Variants in PTPN9 observed in about 807,000 individuals in gnomAD.
The protein encoded by PTPN9 is tyrosine-protein phosphatase non-receptor type 9.
PTPN9 carries 26 observed loss-of-function variants against 69.8 expected under a neutral mutation model. That is an observed-to-expected ratio of 0.37 (90% CI 0.27 to 0.52). PTPN9 has a LOEUF of 0.52. PTPN9 is among the 20% of genes least tolerant of loss of function. The pLI, the probability that PTPN9 is intolerant of heterozygous loss-of-function variation, is 0.91. For missense variants in PTPN9, 549 were observed against 740.3 expected (o/e 0.74, Z 3.00); for synonymous variants, 274 against 272.5 (o/e 1.01, Z -0.05).
At chr15:75,535,063 C>T (rs1378746807) in intron 1 of PTPN9, among the ~76,000 whole-genome samples, 1 of 150,932 alleles carries the variant, frequency 6.6e-6, no homozygotes, top group African/African-American at 2.4e-5. Flanking sequence ...GTGGCGTGAT[C>T]TCGGCTCACT....
At chr15:75,517,044 T>C (rs1411434525) in intron 5 of PTPN9, among the ~76,000 whole-genome samples, 2 of 152,066 alleles carry the variant, frequency 1.3e-5, no homozygotes, top group African/African-American at 4.8e-5. Context: ...CGCCTGGCCG[T>C]TCCTGTGCAT....
chr15:75,512,710 A>T (rs2074850553), intron 5 of PTPN9: 1 of 212,600 alleles, frequency 4.7e-6, no homozygotes, highest in Non-Finnish European at 9.4e-6. Context: ...TTTATTTGAA[A>T]AACAAACAAA....
chr15:75,479,300 C>A (rs1395843581), intron 9 of PTPN9, among the ~76,000 whole-genome samples: 5 of 152,022 alleles, frequency 3.3e-5, no homozygotes, highest in East Asian at 1.9e-4. Context: ...CAGCAAGCCT[C>A]CATTTCAAAG....
chr15:75,494,247 A>G (rs2074727377), intron 7 of PTPN9, among the ~76,000 whole-genome samples: 1 of 151,750 alleles, frequency 6.6e-6, no homozygotes, highest in African/African-American at 2.4e-5. Context: ...TGTAATAAGA[A>G]AAGCCCTAGA....
Position 75,480,706 on chromosome 15 carries a change from C to G in PTPN9, c.1063-792G>C, listed in dbSNP as rs1017455190. 5.0e-4 allele frequency: 653 copies of G among 1,316,926 alleles called. 2 individuals carry two copies. The African/African-American group carries it at 9.3e-3, about 19-fold the overall frequency. The allele number at this position is 1,316,926 out of a possible 1,614,324, so 81.6% of individuals were successfully genotyped here. ...CGACCGACCGCAGCCACCGCCGCCC[C>G]ACAGCCGGGAGGATGGAGTTCAGCG... On this transcript the variant is annotated intron_variant, in intron 8 of 12. Coordinates refer to ENST00000618819, the MANE Select transcript of PTPN9 (RefSeq NM_002833.4).
intron 1 of PTPN9, among the ~76,000 whole-genome samples, chr15:75,567,261 G>A (rs932537776): frequency 1.1e-4 from 17 of 151,958 alleles, no homozygotes; most frequent in Non-Finnish European, 2.5e-4. Context: ...CAGGTGATCC[G>A]ACTGCCTTGG....
chr15:75,562,796 A>T (rs1355083130), intron 1 of PTPN9, among the ~76,000 whole-genome samples: 3 of 146,238 alleles, frequency 2.1e-5, no homozygotes, highest in Non-Finnish European at 4.5e-5. Flanking sequence ...CGTTTCAAAA[A>T]AAAAAAAAAA....
intron 8 of PTPN9, among the ~76,000 whole-genome samples, chr15:75,484,572 A>C (rs912681091): frequency 3.9e-5 from 6 of 152,190 alleles, no homozygotes; most frequent in Admixed American, 2.0e-4. Context: ...TACCTACTCA[A>C]AAGATCCTTT....
intron 10 of PTPN9, among the ~76,000 whole-genome samples, chr15:75,473,250 A>G (rs900097315): frequency 6.8e-6 from 1 of 146,424 alleles, no homozygotes; most frequent in African/African-American, 2.5e-5. Flanking sequence ...CTAATCCTCA[A>G]TTTTTTTTTT....
intron 10 of PTPN9, 74 bp from the exon 11 acceptor site, chr15:75,470,904 T>A (rs2074560570): frequency 1.3e-6 from 2 of 1,537,894 alleles, no homozygotes; most frequent in South Asian, 2.4e-5. Flanking sequence ...CCCAAAGACC[T>A]GATATACCCC....
At chr15:75,507,073 T>TTTA (rs2074823271) in intron 6 of PTPN9, among the ~76,000 whole-genome samples, 1 of 152,186 alleles carries the variant, frequency 6.6e-6, no homozygotes, top group Admixed American at 6.5e-5. Flanking sequence ...ATATTTTGAG[T>TTTA]TTATACATGC....
intron 4 of PTPN9, 47 bp downstream of exon 4, chr15:75,523,074 T>C: frequency 6.2e-7 from 1 of 1,601,762 alleles, no homozygotes; most frequent in Non-Finnish European, 8.5e-7. Context: ...AAACTGTCAC[T>C]TTCCTACCTG....
At chr15:75,524,573 T>A (rs1339156520) in intron 2 of PTPN9, among the ~76,000 whole-genome samples, 1 of 151,568 alleles carries the variant, frequency 6.6e-6, no homozygotes, top group Non-Finnish European at 1.5e-5. Context: ...AGGTCAGGAG[T>A]TCGAGAGCAG....
chr15:75,495,841 T>C (rs34161372), intron 7 of PTPN9, among the ~76,000 whole-genome samples: 2,612 of 152,222 alleles, frequency 0.017, 30 homozygotes, highest in South Asian at 0.03. Flanking sequence ...AAAAATTGAA[T>C]TGATAAGATC....
chr15:75,574,390 G>C (rs1595974405), intron 1 of PTPN9, among the ~76,000 whole-genome samples: 2 of 152,192 alleles, frequency 1.3e-5, no homozygotes, highest in Admixed American at 1.3e-4. Flanking sequence ...ATTTTCAACA[G>C]GACTCTGGCT....
chr15:75,504,242 C>G (rs1271526472), intron 7 of PTPN9, among the ~76,000 whole-genome samples: 3 of 135,850 alleles, frequency 2.2e-5, no homozygotes, highest in South Asian at 2.4e-4. Context: ...CCAGCCGCCC[C>G]GTCCGGGAGG....
At chr15:75,473,313 G>C (rs961979744) in intron 10 of PTPN9, among the ~76,000 whole-genome samples, 3 of 151,974 alleles carry the variant, frequency 2.0e-5, no homozygotes, top group Non-Finnish European at 2.9e-5. Flanking sequence ...GCAATGGCGT[G>C]ATCTCAGCTC....
chr15:75,567,018 CTT>C (rs1328027375), intron 1 of PTPN9, among the ~76,000 whole-genome samples: 7 of 137,784 alleles, frequency 5.1e-5, no homozygotes, highest in Admixed American at 1.5e-4. Context: ...CATTTTTTTT[CTT>C]TTTTTTTTTT....
In PTPN9 at chr15:75,464,070, A is replaced by G. The variant is rs545949435; in HGVS notation, c.*4699T>C. 6.6e-6 allele frequency: 1 copy of G among 152,422 alleles called. No individual in the cohort carries two copies. The highest frequency in any genetic ancestry group is 2.4e-5 in the African/African-American group (1 of 41,582). 9.4% of individuals were successfully genotyped at this position (152,422 alleles called of 1,614,324 possible). A position where few individuals can be genotyped will look rare whatever the true frequency, so the allele number is the denominator to read the frequency against. On this transcript the variant is annotated 3_prime_UTR_variant, in exon 13 of 13. Coordinates refer to ENST00000618819, the MANE Select transcript of PTPN9 (RefSeq NM_002833.4). ...CAGAGACCTGACCTGCTTTTCCTCC[A>G]ATTGGAAGGCCAAGGGGGAAGAGAA... is the stretch of plus-strand genomic sequence containing the variant.
Sources: allele counts gnomAD v4.1 joint callset (sites outside exome capture counted in the v4.1 genomes callset), GRCh38; gene constraint gnomAD v4.1.1; transcripts MANE v1.5; gene names NCBI Gene and HGNC (gene_info 2026-07-23, HGNC 2026-07-21).